Variants in EXOSC5 observed in about 807,000 individuals in gnomAD.
EXOSC5 encodes the protein exosome component 5, also known as exosome complex component RRP46.
Under a neutral mutation model 23.7 loss-of-function variants are expected in EXOSC5, and 15 were observed. The ratio of observed to expected loss-of-function variants is 0.63; its 90% CI spans 0.42 to 0.97. The LOEUF is 0.97. Among genes scored for constraint, EXOSC5 ranks in the 50% least tolerant of loss-of-function variants. The pLI, the probability that EXOSC5 is intolerant of heterozygous loss-of-function variation, is 0.00. For synonymous variants in EXOSC5, 143 were observed against 140.9 expected (o/e 1.02, Z -0.11); for missense variants, 305 against 316.3 (o/e 0.96, Z 0.27).
chr19:41,394,545 C>T (rs2039047559), intron 1 of EXOSC5, among the ~76,000 whole-genome samples: 1 of 151,968 alleles, frequency 6.6e-6, no homozygotes, highest in African/African-American at 2.4e-5. Context: ...GACAGAGTTT[C>T]CCTCTGTCAC....
chr19:41,390,540 G>A (rs1568496831), intron 3 of EXOSC5, among the ~76,000 whole-genome samples: 1 of 152,186 alleles, frequency 6.6e-6, no homozygotes, highest in East Asian at 1.9e-4. Context: ...GTCAGAGAGG[G>A]GAAGAAACCT....
Position 41,391,966 on chromosome 19 carries a change from G to A in EXOSC5, c.263-4C>T, listed in dbSNP as rs1324148568. 1.3e-6 allele frequency: 2 copies of A among 1,583,296 alleles called. No individual in the cohort carries two copies. The highest frequency in any genetic ancestry group is 1.7e-6 in the Non-Finnish European group (2 of 1,168,278). ...TCCCGGCTCTTCTCTGCAACACCTG[G>A]GGAAATTGAAGAGAGGTTCAGGGTC... On this transcript the variant is annotated splice_region_variant and splice_polypyrimidine_tract_variant and intron_variant, in intron 2 of 5. Transcript: ENST00000221233.
chr19:41,388,598 C>T (rs2039001109), intron 4 of EXOSC5, among the ~76,000 whole-genome samples: 1 of 152,198 alleles, frequency 6.6e-6, no homozygotes, highest in African/African-American at 2.4e-5. Flanking sequence ...GGGTGTCACT[C>T]CTGCTTCCTT....
At chr19:41,389,401 G>A (rs1261531090) in intron 4 of EXOSC5, among the ~76,000 whole-genome samples, 1 of 152,088 alleles carries the variant, frequency 6.6e-6, no homozygotes, top group African/African-American at 2.4e-5. Context: ...GAGTAGCTGG[G>A]ATTACAGGCG....
chr19:41,387,527 T>A lies in EXOSC5; in HGVS notation c.602A>T (p.Tyr201Phe). 1 of 1,602,242 alleles carries A rather than the reference T, an allele frequency of 6.2e-7. No individual in the cohort carries two copies. The highest frequency in any genetic ancestry group is 8.5e-7 in the Non-Finnish European group (1 of 1,175,130). The change falls in exon 5 of 6, where the codon TAC becomes TTC. Residue 201 changes from tyrosine (Y) to phenylalanine (F), a missense_variant. Tyr to Phe is a conservative substitution (Grantham distance 22, BLOSUM62 3). Transcript: ENST00000221233. ...CCATGCTGGTACCTCAGTGTCTGAG[T>A]AGAGCCCCTTGGTGCTGGACATCAG... ...KLLMSSTKGLYSDTELQQCLA... is the reference protein window; with the variant it reads ...KLLMSSTKGLFSDTELQQCLA...
chr19:41,396,679 T>G (rs2039068349), intron 1 of EXOSC5, among the ~76,000 whole-genome samples: 1 of 150,106 alleles, frequency 6.7e-6, no homozygotes, highest in African/African-American at 2.5e-5. Context: ...TGTGGAGAGA[T>G]GCAGTGAGGT....
intron 1 of EXOSC5, among the ~76,000 whole-genome samples, chr19:41,393,695 G>A (rs2039041686): frequency 6.6e-6 from 1 of 151,998 alleles, no homozygotes; most frequent in Non-Finnish European, 1.5e-5. Context: ...GAGTAGCTGG[G>A]ATTACAGGCG....
Position 41,392,983 on chromosome 19 carries a change from G to T in EXOSC5, c.149-3C>A. Reference sequence around the variant, plus strand: ...ACCCGCCAGGACAGAGGTGTCACCTGAGGAGACAGCAGGGAGGGCCTCACT... The same window carrying T: ...ACCCGCCAGGACAGAGGTGTCACCTTAGGAGACAGCAGGGAGGGCCTCACT... On this transcript the variant is annotated splice_region_variant and splice_polypyrimidine_tract_variant and intron_variant, in intron 1 of 5. Coordinates refer to ENST00000221233, the MANE Select transcript of EXOSC5 (RefSeq NM_020158.4). 6.2e-7 allele frequency: 1 copy of T among 1,612,012 alleles called. No individual in the cohort carries two copies. Among genetic ancestry groups the T allele is most frequent in the Non-Finnish European group, 8.5e-7 (1 of 1,179,278 alleles).
In EXOSC5 at chr19:41,397,213, G is replaced by T. The variant is rs771048778; in HGVS notation, c.116C>A (p.Ser39Ter). Residue 39 changes from serine to a stop codon, truncating the protein, a stop_gained, in exon 1 of 6, where the codon TCG becomes TAG. Transcript: ENST00000221233. LOFTEE classifies it high-confidence loss of function. ...RHFACEQNLL[S>*]RPDGSASFLQ... Reference sequence around the variant, plus strand: ...GAAGGAAGCAGAGCCATCTGGCCGCGACAGCAGGTTCTGTTCGCAGGCAAA... The same window carrying T: ...GAAGGAAGCAGAGCCATCTGGCCGCTACAGCAGGTTCTGTTCGCAGGCAAA... 9 of 1,614,148 alleles carry T rather than the reference G, an allele frequency of 5.6e-6. No homozygotes were observed. In the South Asian group the frequency reaches 9.9e-5, roughly 18 times the overall value.
intron 1 of EXOSC5, among the ~76,000 whole-genome samples, chr19:41,394,111 C>G (rs902752864): frequency 6.6e-6 from 1 of 152,178 alleles, no homozygotes; most frequent in Non-Finnish European, 1.5e-5. Flanking sequence ...GCTTCTAGTA[C>G]TGTCTGCTGT....
Position 41,386,532 on chromosome 19 carries a change from G to C in EXOSC5, c.*101C>G. On this transcript the variant is annotated 3_prime_UTR_variant, in exon 6 of 6. Transcript: ENST00000221233. ...GGTTACAGAGCTGCAGGCTCAAGGAGCCCATGGGTCAGAGAGGCAAGGCTG... is the reference window on the plus strand; with the variant it reads ...GGTTACAGAGCTGCAGGCTCAAGGACCCCATGGGTCAGAGAGGCAAGGCTG... 1.7e-6 allele frequency: 2 copies of C among 1,182,884 alleles called. No homozygotes were observed. Among genetic ancestry groups the C allele is most frequent in the Admixed American group, 4.3e-5 (2 of 46,828 alleles). The allele number at this position is 1,182,884 out of a possible 1,614,324, so 73.3% of individuals were successfully genotyped here.
chr19:41,392,476 C>T (rs1344428250), intron 2 of EXOSC5, among the ~76,000 whole-genome samples: 11 of 151,728 alleles, frequency 7.2e-5, no homozygotes, highest in Non-Finnish European at 8.8e-5. Flanking sequence ...CCCAGCGACT[C>T]GGGAGGCTGA....
Position 41,392,900 on chromosome 19 carries a change from C to A in EXOSC5, c.229G>T (p.Glu77Ter). 6 of 1,613,970 alleles carry A rather than the reference C, an allele frequency of 3.7e-6. No individual in the cohort carries two copies. The highest frequency in any genetic ancestry group is 5.1e-6 in the Non-Finnish European group (6 of 1,180,012). Residue 77 changes from glutamate (E) to a stop codon, truncating the protein, a stop_gained, in exon 2 of 6, where the codon GAA becomes TAA. Coordinates refer to ENST00000221233, the MANE Select transcript of EXOSC5 (RefSeq NM_020158.4). LOFTEE classifies it high-confidence loss of function. ...CCAATCTTCGGCCTCAGGATCACTTCGAGTGTGGCCTTGTTGAAAATCTCT... is the reference window on the plus strand; with the variant it reads ...CCAATCTTCGGCCTCAGGATCACTTAGAGTGTGGCCTTGTTGAAAATCTCT... ...SKEIFNKATLEVILRPKIGLP... is the reference protein window; with the variant it reads ...SKEIFNKATL
At chr19:41,394,128 A>G (rs1277812244) in intron 1 of EXOSC5, among the ~76,000 whole-genome samples, 1 of 152,156 alleles carries the variant, frequency 6.6e-6, no homozygotes, top group African/African-American at 2.4e-5. Flanking sequence ...CTGTAATCCC[A>G]GCACTTTGGG....
In EXOSC5 at chr19:41,386,505, G is replaced by A; in HGVS notation, c.*128C>T. 1.1e-6 allele frequency: 1 copy of A among 869,606 alleles called. No homozygotes were observed. Among genetic ancestry groups the A allele is most frequent in the Non-Finnish European group, 1.7e-6 (1 of 573,790 alleles). The allele number at this position is 869,606 out of a possible 1,614,324, so 53.9% of individuals were successfully genotyped here. A position where few individuals can be genotyped will look rare whatever the true frequency, so the allele number is the denominator to read the frequency against. On this transcript the variant is annotated 3_prime_UTR_variant, in exon 6 of 6. Coordinates refer to ENST00000221233, the MANE Select transcript of EXOSC5 (RefSeq NM_020158.4). Reference sequence around the variant, plus strand: ...GCCAAGGCCTCCCCACAGGAGCCCTGTGGTTACAGAGCTGCAGGCTCAAGG... The same window carrying A: ...GCCAAGGCCTCCCCACAGGAGCCCTATGGTTACAGAGCTGCAGGCTCAAGG...
chr19:41,387,033 C>T (rs2038989849), intron 5 of EXOSC5, among the ~76,000 whole-genome samples: 1 of 152,184 alleles, frequency 6.6e-6, no homozygotes, highest in African/African-American at 2.4e-5. Context: ...CTGGAGAGTG[C>T]ACAGAATTGG....
At chr19:41,387,450 G>T in intron 5 of EXOSC5, 64 bp downstream of exon 5, 1 of 1,349,456 alleles carries the variant, frequency 7.4e-7, no homozygotes, top group Non-Finnish European at 1.0e-6. Flanking sequence ...GGCAGAGTTG[G>T]GACAAGACCG....
Position 41,389,230 on chromosome 19 carries a change from G to A in EXOSC5, c.525+535C>T, listed in dbSNP as rs1406833794. On this transcript the variant is annotated intron_variant, in intron 4 of 5. Transcript: ENST00000221233. The stretch of plus-strand genomic sequence containing the variant: ...CAAAGTGCTGGCATTACAGGTGTGA[G>A]CCACCACACCTGGCCATACATTTCC... Among the ~76,000 whole-genome samples the A allele has an allele frequency of 4.6e-5, 7 of 152,168 alleles. No homozygotes were observed. In the East Asian group the frequency reaches 1.4e-3, roughly 29 times the overall value.
At position 41,392,997 on chromosome 19, in the gene EXOSC5, G is replaced by A; in HGVS notation, c.149-17C>T. On this transcript the variant is annotated splice_polypyrimidine_tract_variant and intron_variant, in intron 1 of 5. Transcript: ENST00000221233. Reference sequence around the variant, plus strand: ...AGGTGTCACCTGAGGAGACAGCAGGGAGGGCCTCACTCACAGCTTCCCTGC... The same window carrying A: ...AGGTGTCACCTGAGGAGACAGCAGGAAGGGCCTCACTCACAGCTTCCCTGC... The A allele has an allele frequency of 6.2e-7, 1 of 1,609,702 alleles. No homozygotes were observed.
Sources: gnomAD v4.1 joint callset for allele counts (sites outside exome capture counted in the v4.1 genomes callset) on GRCh38, gnomAD v4.1.1 for gene constraint, MANE v1.5 for transcripts, NCBI Gene and HGNC (gene_info 2026-07-23, HGNC 2026-07-21) for gene names.